ASIC2: variants seen among roughly 807,000 people sequenced by gnomAD.
ASIC2 encodes acid-sensing ion channel 2.
In ASIC2, 25 loss-of-function variants were observed where a neutral mutation model predicts 57.3. The observed-to-expected ratio is 0.44, with a 90% CI of 0.32 to 0.61. The LOEUF is 0.61. Ranked by LOEUF, ASIC2 falls within the 20% of genes least tolerant of loss-of-function variation. The probability of loss-of-function intolerance (pLI) is 0.06; values close to 1 mark genes in which losing one functional copy is unlikely to be tolerated. For missense variants in ASIC2, 641 were observed against 738.1 expected, an observed-to-expected ratio of 0.87 and a Z score of 1.52; for synonymous variants, 319 against 307.5, an observed-to-expected ratio of 1.04 and a Z score of -0.39.
intron 1 of ASIC2, among the ~76,000 whole-genome samples, chr17:33,386,713 T>A (rs902770424): frequency 6.6e-6 from 1 of 152,176 alleles, no homozygotes; most frequent in Non-Finnish European, 1.5e-5. Flanking sequence ...CCCATTAACA[T>A]CCTTAATGTG....
At position 33,410,015 on chromosome 17, in the gene ASIC2, C is replaced by T. The variant is rs1910601685; in HGVS notation, c.556-297948G>A. 2.0e-5 allele frequency among the ~76,000 whole-genome samples: 3 copies of T among 152,178 alleles called. No individual in the cohort carries two copies. The South Asian group carries it at 6.2e-4, about 32-fold the overall frequency. ...GGACCGTGTCTGTTCCATTCAGTTA[C>T]AGTGGCTTTAGACTTACAGTTCACA... is the stretch of plus-strand genomic sequence containing the variant. On this transcript the variant is annotated intron_variant, in intron 1 of 9. Transcript: ENST00000359872.
chr17:34,120,562 T>C (rs1387190083), intron 1 of ASIC2, among the ~76,000 whole-genome samples: 3 of 151,396 alleles, frequency 2.0e-5, no homozygotes, highest in African/African-American at 4.9e-5. Flanking sequence ...TTGTTATGGG[T>C]TGAATTGTAT....
chr17:33,278,036 G>A (rs1348093060), intron 1 of ASIC2, among the ~76,000 whole-genome samples: 4 of 152,088 alleles, frequency 2.6e-5, no homozygotes, highest in Non-Finnish European at 5.9e-5. Context: ...CGGGGCCTTT[G>A]GTTGGCTGTT....
chr17:33,562,003 G>A (rs139926336), intron 1 of ASIC2, among the ~76,000 whole-genome samples: 362 of 152,238 alleles, frequency 2.4e-3, no homozygotes, highest in African/African-American at 7.9e-3. Flanking sequence ...CAGACTTCTC[G>A]GGTTTTATCT....
intron 1 of ASIC2, among the ~76,000 whole-genome samples, chr17:34,059,419 G>A (rs1217193845): frequency 6.6e-6 from 1 of 152,200 alleles, no homozygotes; most frequent in Non-Finnish European, 1.5e-5. Flanking sequence ...GGAGCAGAGG[G>A]TAAAACTCCA....
At chr17:34,092,110 C>CG (rs901461904) in intron 1 of ASIC2, among the ~76,000 whole-genome samples, 7 of 151,726 alleles carry the variant, frequency 4.6e-5, no homozygotes, top group Non-Finnish European at 8.8e-5. Context: ...TAGTGGATCC[C>CG]GGACACCAGG....
chr17:33,988,062 G>A (rs1397428446), intron 1 of ASIC2, among the ~76,000 whole-genome samples: 3 of 152,198 alleles, frequency 2.0e-5, no homozygotes, highest in Non-Finnish European at 2.9e-5. Flanking sequence ...TTAAAGGAGA[G>A]TAAGAGTGCA....
At chr17:33,017,563 C>T (rs1481527902) in intron 8 of ASIC2, 42 bp downstream of exon 8, 3 of 1,555,798 alleles carry the variant, frequency 1.9e-6, no homozygotes, top group Non-Finnish European at 2.7e-6. Flanking sequence ...GATGAGGGCA[C>T]CAGCATGCGG....
chr17:33,539,900 G>A (rs936448275), intron 1 of ASIC2, among the ~76,000 whole-genome samples: 1 of 152,190 alleles, frequency 6.6e-6, no homozygotes, highest in Non-Finnish European at 1.5e-5. Context: ...TATCCAGGCT[G>A]AGGAGTTAGC....
intron 1 of ASIC2, among the ~76,000 whole-genome samples, chr17:33,963,407 G>A (rs1246916916): frequency 1.3e-5 from 2 of 152,116 alleles, no homozygotes; most frequent in Non-Finnish European, 2.9e-5. Context: ...CGCAGAGTAG[G>A]TGCTGATAAT....
intron 1 of ASIC2, among the ~76,000 whole-genome samples, chr17:33,521,917 G>A (rs1597763482): frequency 2.0e-5 from 3 of 152,316 alleles, no homozygotes; most frequent in East Asian, 3.9e-4. Context: ...CCATCACCTG[G>A]CACCTAGGCG....
intron 1 of ASIC2, among the ~76,000 whole-genome samples, chr17:34,085,149 C>T (rs1158347831): frequency 2.0e-5 from 3 of 152,150 alleles, no homozygotes; most frequent in Non-Finnish European, 4.4e-5. Context: ...AGTTTTTGCC[C>T]ATTTAGTATG....
chr17:33,475,821 G>A (rs1484564832), intron 1 of ASIC2, among the ~76,000 whole-genome samples: 1 of 152,138 alleles, frequency 6.6e-6, no homozygotes, highest in Non-Finnish European at 1.5e-5. Flanking sequence ...CCATCCCCTG[G>A]AGGTCTCCTC....
Position 34,156,764 on chromosome 17 carries a change from G to A in ASIC2, c.-232C>T. On this transcript the variant is annotated 5_prime_UTR_variant, in exon 1 of 10. Coordinates refer to the ASIC2 transcript ENST00000359872. The surrounding 1 kb of genome is among the most constrained non-coding windows in gnomAD (Gnocchi z 4.4). ...CTTGATTTTTTCCAGGCGATAAGGA[G>A]GGCTGGTTTTATTTAGGGAGACACC... 1.9e-6 allele frequency: 1 copy of A among 532,524 alleles called. No homozygotes were observed. The highest frequency in any genetic ancestry group is 3.3e-6 in the Non-Finnish European group (1 of 303,040). The allele number at this position is 532,524 out of a possible 1,614,324, so 33.0% of individuals were successfully genotyped here.
intron 1 of ASIC2, among the ~76,000 whole-genome samples, chr17:33,954,776 C>T (rs1214120539): frequency 1.3e-5 from 2 of 152,202 alleles, no homozygotes; most frequent in Non-Finnish European, 2.9e-5. Context: ...AAATGGTTTG[C>T]TTTCTTTCAC....
At chr17:33,848,390 T>C (rs1913671958) in intron 1 of ASIC2, among the ~76,000 whole-genome samples, 1 of 152,144 alleles carries the variant, frequency 6.6e-6, no homozygotes, top group Non-Finnish European at 1.5e-5. Context: ...CTCTTGAAAG[T>C]GAGCTACTGC....
chr17:33,868,422 C>T (rs1359205331), intron 1 of ASIC2, among the ~76,000 whole-genome samples: 1 of 152,006 alleles, frequency 6.6e-6, no homozygotes, highest in Non-Finnish European at 1.5e-5. Context: ...AGTCAGACCC[C>T]TACCTCACAC....
chr17:33,304,878 C>A (rs923693984), intron 1 of ASIC2, among the ~76,000 whole-genome samples: 3 of 152,074 alleles, frequency 2.0e-5, no homozygotes, highest in Non-Finnish European at 4.4e-5. Flanking sequence ...TGCCCTTGAC[C>A]CTTGGCTGGA....
intron 1 of ASIC2, among the ~76,000 whole-genome samples, chr17:33,758,923 A>G (rs1203111547): frequency 6.6e-6 from 1 of 150,492 alleles, no homozygotes; most frequent in Admixed American, 6.6e-5. Context: ...ATACCAAAAA[A>G]AAAAAAAAAA....
Sources: gnomAD v4.1 joint callset for allele counts (sites outside exome capture counted in the v4.1 genomes callset) on GRCh38, gnomAD v4.1.1 for gene constraint, Gnocchi (gnomAD v3.1) non-coding constraint, MANE v1.5 for transcripts, NCBI Gene and HGNC (gene_info 2026-07-23, HGNC 2026-07-21) for gene names.